The following UTP20 variants were observed in gnomAD, a reference collection of about 807,000 sequenced individuals.
The protein encoded by UTP20 is small subunit processome component 20 homolog.
A neutral mutation model predicts 329.5 loss-of-function variants in UTP20; 164 were observed. The observed-to-expected ratio is 0.50, with a 90% CI of 0.44 to 0.57. The LOEUF (loss-of-function observed/expected upper bound fraction) is 0.57, where lower values mean the gene tolerates loss of function less well. Among genes scored for constraint, UTP20 ranks in the 20% least tolerant of loss-of-function variants. The pLI is 0.00. For missense variants in UTP20, 3,055 were observed against 3,284.2 expected, an observed-to-expected ratio of 0.93 and a Z score of 1.71; for synonymous variants, 1,151 against 1,159.3, an observed-to-expected ratio of 0.99 and a Z score of 0.14.
rs936833013 is a variant in UTP20, at chr12:101,290,715, T to C, written c.736-18T>C. On this transcript the variant is annotated intron_variant, in intron 7 of 61. Coordinates refer to ENST00000261637, the MANE Select transcript of UTP20 (RefSeq NM_014503.3). ...ATAAGAGTTTATATATTAATGTTAA[T>C]GACTTGTATTCCCACAGGCAGTGAA... is the stretch of plus-strand genomic sequence containing the variant. 6.3e-7 allele frequency: 1 copy of C among 1,592,938 alleles called. No individual in the cohort carries two copies. Among genetic ancestry groups the C allele is most frequent in the South Asian group, 1.2e-5 (1 of 86,436 alleles).
intron 14 of UTP20, among the ~76,000 whole-genome samples, chr12:101,301,955 C>T (rs1872532287): frequency 6.6e-6 from 1 of 152,108 alleles, no homozygotes; most frequent in South Asian, 2.1e-4. Context: ...TTGAGACTGT[C>T]TTGCTCTGTC....
At position 101,356,590 on chromosome 12, in the gene UTP20, A is replaced by C; in HGVS notation, c.5431A>C (p.Lys1811Gln). The C allele has an allele frequency of 6.2e-7, 1 of 1,613,780 alleles. No individual in the cohort carries two copies. Among genetic ancestry groups the C allele is most frequent in the Non-Finnish European group, 8.5e-7 (1 of 1,179,878 alleles). The stretch of plus-strand genomic sequence containing the variant: ...AGAAGAACACAAGCTTGTCAAGTCA[A>C]AGGTTGTGAATGATGAGGAAGTCGT... ...REEEHKLVKS[K>Q]VVNDEEVVRV... The change falls in exon 42 of 62, where the codon AAG (lysine) becomes CAG (glutamine). Residue 1811 changes from lysine (K) to glutamine (Q), a missense_variant. Coordinates refer to ENST00000261637, the MANE Select transcript of UTP20 (RefSeq NM_014503.3).
rs945994775 is a variant in UTP20 at position 101,341,950 on chromosome 12, C to G, written c.4102-496C>G. On this transcript the variant is annotated intron_variant, in intron 32 of 61. Transcript: ENST00000261637. ...AAAAATAATACAAATTTTAAAAATGCAGTATAACAACTATTTACGTAGCAT... is the reference window on the plus strand; with the variant it reads ...AAAAATAATACAAATTTTAAAAATGGAGTATAACAACTATTTACGTAGCAT... Among the ~76,000 whole-genome samples, 9 of 152,052 alleles carry G rather than the reference C, an allele frequency of 5.9e-5. No individual in the cohort carries two copies. The East Asian group carries it at 1.7e-3, about 29-fold the overall frequency.
At chr12:101,309,178 A>G (rs1395025803) in intron 18 of UTP20, among the ~76,000 whole-genome samples, 1 of 152,200 alleles carries the variant, frequency 6.6e-6, no homozygotes, top group Non-Finnish European at 1.5e-5. Context: ...TTAGGTATAT[A>G]AATATACTTC....
At chr12:101,340,975 T>TTTTTTTTTTTTTTTTTTG (rs1869109776) in intron 32 of UTP20, among the ~76,000 whole-genome samples, 1 of 35,480 alleles carries the variant, frequency 2.8e-5, no homozygotes, top group Non-Finnish European at 4.4e-5. Flanking sequence ...TTTTTTTTTT[T>TTTTTTTTTTTTTTTTTTG]TTTTTTTTTT....
Position 101,366,568 on chromosome 12 carries a change from G to T in UTP20, c.6136G>T (p.Ala2046Ser). 6.2e-7 allele frequency: 1 copy of T among 1,611,414 alleles called. No homozygotes were observed. ...CCACGTGATTGACAGAAATCCAGTAGCCCCAGCACCAGATCCACGTCTACC... is the reference window on the plus strand; with the variant it reads ...CCACGTGATTGACAGAAATCCAGTATCCCCAGCACCAGATCCACGTCTACC... ...LLTEKEKNPVAPAPDPRLPPQ... is the reference protein window; with the variant it reads ...LLTEKEKNPVSPAPDPRLPPQ... The change falls in exon 47 of 62, where the codon GCC (alanine) becomes TCC (serine). Residue 2046 changes from alanine to serine, a missense_variant. By Grantham distance (99) the Ala-to-Ser change is moderately conservative (BLOSUM62 1). Transcript: ENST00000261637.
At chr12:101,324,516 C>T (rs113504759) in intron 25 of UTP20, among the ~76,000 whole-genome samples, 5 of 152,276 alleles carry the variant, frequency 3.3e-5, no homozygotes, top group Middle Eastern at 6.8e-3. Context: ...GCTGTCCCCC[C>T]ACCTTGGCTT....
chr12:101,286,240 A>G, intron 4 of UTP20, 81 bp from the exon 5 acceptor site: 3 of 1,278,486 alleles, frequency 2.3e-6, no homozygotes, highest in Non-Finnish European at 2.1e-6. Context: ...TCCTATGATC[A>G]TAGGCCACCT....
At chr12:101,341,211 C>T (rs1013801558) in intron 32 of UTP20, among the ~76,000 whole-genome samples, 3 of 152,022 alleles carry the variant, frequency 2.0e-5, no homozygotes, top group African/African-American at 2.4e-5. Flanking sequence ...CTCCTGACCT[C>T]GGGTGATCTG....
In UTP20 at chr12:101,335,141, G is replaced by A. The variant is rs144413687; in HGVS notation, c.3641+637G>A. Among the ~76,000 whole-genome samples the A allele has an allele frequency of 7.4e-3, 1,123 of 152,256 alleles. 8 individuals are homozygous for A. Among genetic ancestry groups the A allele is most frequent in the Non-Finnish European group, 9.2e-3 (623 of 68,032 alleles). ...CACGTGGAGGTTTGGGTAGACCAGA[G>A]CAGGGAGAGGAGACTTTTCATAATA... On this transcript the variant is annotated intron_variant, in intron 29 of 61. Coordinates refer to ENST00000261637, the MANE Select transcript of UTP20 (RefSeq NM_014503.3).
In UTP20 at chr12:101,354,835, C is replaced by T. The variant is rs1339467483; in HGVS notation, c.5111C>T (p.Ala1704Val). The T allele has an allele frequency of 4.3e-6, 7 of 1,612,486 alleles. No homozygotes were observed. Among genetic ancestry groups the T allele is most frequent in the Non-Finnish European group, 5.9e-6 (7 of 1,179,256 alleles). Residue 1704 changes from alanine (A) to valine (V), a missense_variant, in exon 41 of 62, where the codon GCA becomes GTA. Transcript: ENST00000261637. ...TTTTGTTGTTTATTAAACATAGACG[C>T]AATTGAAGCAATTGAGTTACCAGAG... is the stretch of plus-strand genomic sequence containing the variant. Reference protein sequence around the residue: ...QMGKIENEENAIEAIELPEPE... With the variant: ...QMGKIENEENVIEAIELPEPE...
At chr12:101,365,360 G>T in intron 45 of UTP20, 99 bp from the exon 46 acceptor site, 1 of 804,534 alleles carries the variant, frequency 1.2e-6, no homozygotes, top group Non-Finnish European at 1.9e-6. Context: ...AAAGCCAAAC[G>T]TATATTAGAA....
chr12:101,335,251 A>G (rs1868897662), intron 29 of UTP20, among the ~76,000 whole-genome samples: 1 of 149,956 alleles, frequency 6.7e-6, no homozygotes, highest in Non-Finnish European at 1.5e-5. Flanking sequence ...TGAAAATTTT[A>G]GAGTATGTAT....
Position 101,308,182 on chromosome 12 carries a change from C to G in UTP20, c.1996-3C>G. 1.3e-6 allele frequency: 2 copies of G among 1,598,548 alleles called. No homozygotes were observed. The highest frequency in any genetic ancestry group is 1.7e-6 in the Non-Finnish European group (2 of 1,173,722). Reference sequence around the variant, plus strand: ...TTCTCCATGGTTTTCTCTGGTTATTCAGGATGATGGGCTCTCAGAGCGGCA... The same window carrying G: ...TTCTCCATGGTTTTCTCTGGTTATTGAGGATGATGGGCTCTCAGAGCGGCA... On this transcript the variant is annotated splice_region_variant and splice_polypyrimidine_tract_variant and intron_variant, in intron 17 of 61. Transcript: ENST00000261637.
Position 101,382,927 on chromosome 12 carries a change from A to G in UTP20, c.7657-114A>G, listed in dbSNP as rs189916784. ...TAGTTGTTAAATAGTTGTAATACCT[A>G]GTTTGTTTTTGTTTTCTAATTGTAG... On this transcript the variant is annotated intron_variant, in intron 58 of 61. Transcript: ENST00000261637. 5,934 of 1,262,942 alleles carry G rather than the reference A, an allele frequency of 4.7e-3. 22 individuals are homozygous for G. Among genetic ancestry groups the G allele is most frequent in the Non-Finnish European group, 5.0e-3 (4,632 of 926,580 alleles). 78.2% of individuals were successfully genotyped at this position (1,262,942 alleles called of 1,614,324 possible).
intron 11 of UTP20, among the ~76,000 whole-genome samples, chr12:101,293,989 A>T (rs1023588604): frequency 2.0e-5 from 3 of 151,900 alleles, no homozygotes; most frequent in African/African-American, 7.3e-5. Context: ...CTCCCATCTT[A>T]TTAGCAGCCA....
At chr12:101,304,264 C>T (rs1872597875) in intron 15 of UTP20, among the ~76,000 whole-genome samples, 1 of 152,154 alleles carries the variant, frequency 6.6e-6, no homozygotes, top group South Asian at 2.1e-4. Context: ...CTCTTGAATC[C>T]ACCACTTACT....
intron 21 of UTP20, among the ~76,000 whole-genome samples, chr12:101,315,488 A>T (rs1872944359): frequency 6.6e-6 from 1 of 152,170 alleles, no homozygotes; most frequent in Non-Finnish European, 1.5e-5. Flanking sequence ...CGTCTAAAAA[A>T]AAAAAAGGCT....
At chr12:101,310,970 G>C (rs991284960) in intron 19 of UTP20, among the ~76,000 whole-genome samples, 2 of 152,162 alleles carry the variant, frequency 1.3e-5, no homozygotes, top group Non-Finnish European at 2.9e-5. Flanking sequence ...CATATTACCA[G>C]TAGCACACTA....
Sources: gnomAD v4.1 joint callset for allele counts (sites outside exome capture counted in the v4.1 genomes callset) on GRCh38, gnomAD v4.1.1 for gene constraint, MANE v1.5 for transcripts, NCBI Gene and HGNC (gene_info 2026-07-23, HGNC 2026-07-21) for gene names.